GRID1: variants seen among roughly 807,000 people sequenced by gnomAD.
The protein encoded by GRID1 is glutamate receptor ionotropic, delta-1.
Under a neutral mutation model 98.0 loss-of-function variants are expected in GRID1, and 28 were observed. The observed-to-expected ratio is 0.29, with a 90% CI of 0.21 to 0.39. GRID1 has a LOEUF of 0.39. Among genes scored for constraint, GRID1 ranks in the 10% least tolerant of loss-of-function variants. The pLI is 1.00. For missense variants in GRID1, 1,111 were observed against 1,340.5 expected, an observed-to-expected ratio of 0.83 and a Z score of 2.67; for synonymous variants, 553 against 538.5, an observed-to-expected ratio of 1.03 and a Z score of -0.37.
intron 4 of GRID1, among the ~76,000 whole-genome samples, chr10:86,067,471 G>T (rs761899138): frequency 6.6e-6 from 1 of 152,220 alleles, no homozygotes. Context: ...TCTACAAACT[G>T]GGAGGCATCA....
At chr10:86,275,922 G>C (rs972618026) in intron 2 of GRID1, among the ~76,000 whole-genome samples, 9 of 152,154 alleles carry the variant, frequency 5.9e-5, no homozygotes, top group Non-Finnish European at 1.2e-4. Flanking sequence ...AAAATCCAAA[G>C]AGTTCAGTGA....
chr10:86,169,095 T>C (rs1845443231), intron 3 of GRID1, among the ~76,000 whole-genome samples: 1 of 152,184 alleles, frequency 6.6e-6, no homozygotes. Context: ...TTCAGGCCAA[T>C]CCAGGATCAT....
At chr10:86,009,696 G>T (rs182293083) in intron 4 of GRID1, among the ~76,000 whole-genome samples, 3 of 152,274 alleles carry the variant, frequency 2.0e-5, no homozygotes, top group Non-Finnish European at 2.9e-5. Flanking sequence ...CCCTGCAAAG[G>T]CTTTCTCACC....
At chr10:86,167,404 T>C (rs1389711390) in intron 3 of GRID1, among the ~76,000 whole-genome samples, 1 of 152,080 alleles carries the variant, frequency 6.6e-6, no homozygotes, top group East Asian at 1.9e-4. Flanking sequence ...GCTTGCCCAC[T>C]CTGGAAGAGA....
chr10:86,344,494 A>G (rs1321425548), intron 2 of GRID1, among the ~76,000 whole-genome samples: 1 of 152,174 alleles, frequency 6.6e-6, no homozygotes, highest in Non-Finnish European at 1.5e-5. Context: ...ACCAGAAGCT[A>G]GGGGAGGAGC....
intron 2 of GRID1, among the ~76,000 whole-genome samples, chr10:86,339,813 C>T (rs1028576209): frequency 2.6e-5 from 4 of 152,180 alleles, no homozygotes; most frequent in Admixed American, 6.5e-5. Flanking sequence ...CAAGGCACGG[C>T]GCTAGAGATG....
At chr10:85,686,427 G>A (rs1434385327) in intron 12 of GRID1, among the ~76,000 whole-genome samples, 2 of 152,164 alleles carry the variant, frequency 1.3e-5, no homozygotes, top group African/African-American at 4.8e-5. Flanking sequence ...TGGCATACTG[G>A]CAAAATATTG....
intron 15 of GRID1, among the ~76,000 whole-genome samples, chr10:85,608,642 C>T (rs1195387039): frequency 6.6e-6 from 1 of 152,116 alleles, no homozygotes; most frequent in Non-Finnish European, 1.5e-5. Context: ...AGAGAAGGCA[C>T]ATTGATGGCA....
intron 8 of GRID1, among the ~76,000 whole-genome samples, chr10:85,757,207 C>A (rs1011367212): frequency 6.6e-6 from 1 of 152,250 alleles, no homozygotes; most frequent in Admixed American, 6.5e-5. Context: ...CAAGGTTCTA[C>A]TACCTAATCT....
At chr10:85,829,301 C>G (rs1481651854) in intron 8 of GRID1, among the ~76,000 whole-genome samples, 1 of 151,648 alleles carries the variant, frequency 6.6e-6, no homozygotes, top group Non-Finnish European at 1.5e-5. Flanking sequence ...AAATAACATA[C>G]CTCAAAAAAA....
chr10:85,784,518 A>T (rs1842408166), intron 8 of GRID1, among the ~76,000 whole-genome samples: 1 of 152,216 alleles, frequency 6.6e-6, no homozygotes, highest in Admixed American at 6.5e-5. Flanking sequence ...AACGCCCTGA[A>T]TGATGGCCGT....
chr10:86,004,053 C>T (rs1214372295), intron 4 of GRID1, among the ~76,000 whole-genome samples: 1 of 152,196 alleles, frequency 6.6e-6, no homozygotes, highest in Admixed American at 6.5e-5. Flanking sequence ...AGATAATCCT[C>T]ACTGCTACCC....
intron 4 of GRID1, among the ~76,000 whole-genome samples, chr10:86,071,588 T>A (rs1053646999): frequency 6.6e-6 from 1 of 152,250 alleles, no homozygotes. Flanking sequence ...ATTAAACTCA[T>A]AAGCCTTCCT....
At chr10:85,633,029 T>A (rs1054463981) in intron 13 of GRID1, among the ~76,000 whole-genome samples, 4 of 152,210 alleles carry the variant, frequency 2.6e-5, no homozygotes, top group Non-Finnish European at 5.9e-5. Flanking sequence ...TCCAGCTTCC[T>A]CCGTGTCCCT....
intron 3 of GRID1, among the ~76,000 whole-genome samples, chr10:86,174,751 G>T (rs1230846609): frequency 6.7e-6 from 1 of 149,628 alleles, no homozygotes; most frequent in South Asian, 2.2e-4. Flanking sequence ...ATCTGACAAA[G>T]GGCTAATATC....
At chr10:85,944,572 T>C (rs573942440) in intron 4 of GRID1, among the ~76,000 whole-genome samples, 1 of 152,192 alleles carries the variant, frequency 6.6e-6, no homozygotes, top group East Asian at 1.9e-4. Context: ...CAGTAAAAAA[T>C]GTATAAGGAT....
intron 2 of GRID1, among the ~76,000 whole-genome samples, chr10:86,357,093 G>C (rs1044592884): frequency 6.6e-6 from 1 of 152,200 alleles, no homozygotes; most frequent in Non-Finnish European, 1.5e-5. Context: ...TCATGTCCTA[G>C]ACCTAGAAAC....
chr10:86,230,015 T>C (rs1173236199), intron 2 of GRID1, among the ~76,000 whole-genome samples: 2 of 152,304 alleles, frequency 1.3e-5, no homozygotes, highest in East Asian at 1.9e-4. Context: ...CATGGGACCA[T>C]TGGTAAGTGA....
At chr10:85,711,693 A>G (rs1441156708) in intron 12 of GRID1, among the ~76,000 whole-genome samples, 2 of 152,004 alleles carry the variant, frequency 1.3e-5, no homozygotes, top group African/African-American at 2.4e-5. Context: ...ATATCTTCTA[A>G]TACCTAAAGT....
Sources: gnomAD v4.1 joint callset for allele counts (sites outside exome capture counted in the v4.1 genomes callset) on GRCh38, gnomAD v4.1.1 for gene constraint, MANE v1.5 for transcripts, NCBI Gene and HGNC (gene_info 2026-07-23, HGNC 2026-07-21) for gene names.